TNR: variants seen among roughly 807,000 people sequenced by gnomAD.
TNR encodes the protein tenascin R, also known as tenascin-R.
A neutral mutation model predicts 150.4 loss-of-function variants in TNR; 45 were observed. The ratio of observed to expected loss-of-function variants is 0.30; its 90% CI spans 0.24 to 0.38. TNR has a LOEUF of 0.38. TNR is among the 10% of genes least tolerant of loss of function. The pLI is 1.00. For missense variants in TNR, 1,544 were observed against 1,759.1 expected (o/e 0.88, Z 2.19); for synonymous variants, 687 against 678.4 (o/e 1.01, Z -0.20).
chr1:175,383,701 A>C (rs1652790885), intron 8 of TNR, among the ~76,000 whole-genome samples: 1 of 152,182 alleles, frequency 6.6e-6, no homozygotes, highest in Non-Finnish European at 1.5e-5. Context: ...CACTTTGGTT[A>C]ATTTGAATTT....
intron 2 of TNR, among the ~76,000 whole-genome samples, chr1:175,521,883 T>C (rs777373942): frequency 6.6e-6 from 1 of 152,228 alleles, no homozygotes; most frequent in Admixed American, 6.5e-5. Context: ...GATTATATTG[T>C]CATGCACTGC....
chr1:175,319,727 C>T lies in TNR; in HGVS notation c.*3630G>A, dbSNP rs1648945356. ...CATACAAATCAGCTGGCCGGTTTTCCTGAGTCCTGGTTTGGCTCTCCTGGA... is the reference window on the plus strand; with the variant it reads ...CATACAAATCAGCTGGCCGGTTTTCTTGAGTCCTGGTTTGGCTCTCCTGGA... On this transcript the variant is annotated 3_prime_UTR_variant, in exon 23 of 23. Transcript: ENST00000367674. 6.6e-6 allele frequency: 1 copy of T among 152,242 alleles called. No individual in the cohort carries two copies. The highest frequency in any genetic ancestry group is 2.4e-5 in the African/African-American group (1 of 41,450). 9.4% of individuals were successfully genotyped at this position (152,242 alleles called of 1,614,324 possible). A position where few individuals can be genotyped will look rare whatever the true frequency, so the allele number is the denominator to read the frequency against.
At chr1:175,328,325 G>A (rs1008518927) in intron 21 of TNR, among the ~76,000 whole-genome samples, 1 of 152,190 alleles carries the variant, frequency 6.6e-6, no homozygotes, top group African/African-American at 2.4e-5. Flanking sequence ...TCTGATCCAA[G>A]TAGCATCCTA....
rs917328672 is a variant in TNR, at chr1:175,315,936, G to A, written c.*7421C>T. On this transcript the variant is annotated 3_prime_UTR_variant, in exon 23 of 23. Coordinates refer to ENST00000367674, the MANE Select transcript of TNR (RefSeq NM_003285.3). ...TCTGTGGGACCATGGTGTGAGTCTGGGCCTCCGCAGTTGGTAAAGGAGCAC... is the reference window on the plus strand; with the variant it reads ...TCTGTGGGACCATGGTGTGAGTCTGAGCCTCCGCAGTTGGTAAAGGAGCAC... 1 of 151,972 alleles carries A rather than the reference G, an allele frequency of 6.6e-6. No homozygotes were observed. Among genetic ancestry groups the A allele is most frequent in the African/African-American group, 2.4e-5 (1 of 41,346 alleles). 9.4% of individuals were successfully genotyped at this position (151,972 alleles called of 1,614,324 possible).
intron 2 of TNR, among the ~76,000 whole-genome samples, chr1:175,494,642 T>A (rs1334519850): frequency 1.3e-5 from 2 of 152,198 alleles, no homozygotes; most frequent in Non-Finnish European, 2.9e-5. Context: ...TGTATTTATA[T>A]GTCTGGCTAT....
intron 1 of TNR, among the ~76,000 whole-genome samples, chr1:175,627,496 T>C (rs1160258059): frequency 6.6e-6 from 1 of 152,200 alleles, no homozygotes; most frequent in South Asian, 2.1e-4. Context: ...TCAAATTCTA[T>C]TATTATATCA....
At chr1:175,349,914 T>C (rs1390591250) in intron 18 of TNR, among the ~76,000 whole-genome samples, 1 of 152,206 alleles carries the variant, frequency 6.6e-6, no homozygotes, top group East Asian at 1.9e-4. Flanking sequence ...CTCAAGCTGT[T>C]TCTAAATAGT....
In TNR at chr1:175,391,411, C is replaced by T; in HGVS notation, c.1384G>A (p.Val462Ile). The change falls in exon 7 of 23, where the codon GTC becomes ATC. Residue 462 changes from valine (V) to isoleucine (I), a missense_variant. Coordinates refer to ENST00000367674, the MANE Select transcript of TNR (RefSeq NM_003285.3). ...KNNEGGVIAQ[V>I]PSDVTSFNQT... is the part of the protein sequence containing the mutation. ...TTAAAGGACGTAACATCGCTGGGGA[C>T]CTGAGCAATCACTCCCCCTTCATTG... 6.2e-7 allele frequency: 1 copy of T among 1,614,126 alleles called. No individual in the cohort carries two copies. Among genetic ancestry groups the T allele is most frequent in the Non-Finnish European group, 8.5e-7 (1 of 1,180,026 alleles).
At chr1:175,568,556 CT>C (rs1364628279) in intron 1 of TNR, among the ~76,000 whole-genome samples, 1 of 152,194 alleles carries the variant, frequency 6.6e-6, no homozygotes, top group Non-Finnish European at 1.5e-5. Flanking sequence ...ACTATGTGCT[CT>C]CCCTTTGCAT....
At chr1:175,486,475 A>G (rs913508350) in intron 2 of TNR, among the ~76,000 whole-genome samples, 1 of 152,134 alleles carries the variant, frequency 6.6e-6, no homozygotes, top group African/African-American at 2.4e-5. Context: ...TTATGGCTGC[A>G]TAGTATTCCA....
intron 2 of TNR, among the ~76,000 whole-genome samples, chr1:175,491,868 C>T (rs1225108572): frequency 9.2e-5 from 14 of 152,082 alleles, no homozygotes; most frequent in African/African-American, 3.4e-4. Context: ...CCAGGATGGT[C>T]TCGATCTCCT....
intron 18 of TNR, among the ~76,000 whole-genome samples, chr1:175,348,064 G>T (rs1650881911): frequency 1.3e-5 from 2 of 152,154 alleles, no homozygotes; most frequent in African/African-American, 4.8e-5. Context: ...AGGATTGCTA[G>T]ATACTGGATT....
intron 1 of TNR, among the ~76,000 whole-genome samples, chr1:175,617,155 G>A (rs966488136): frequency 6.6e-6 from 1 of 152,154 alleles, no homozygotes; most frequent in Non-Finnish European, 1.5e-5. Flanking sequence ...CATGGTTAGA[G>A]TCCCTGTCCA....
chr1:175,571,451 A>C (rs1048833400), intron 1 of TNR, among the ~76,000 whole-genome samples: 3 of 152,232 alleles, frequency 2.0e-5, no homozygotes, highest in Non-Finnish European at 4.4e-5. Flanking sequence ...AGGAAGCCTC[A>C]GCTTAGAGCA....
At chr1:175,454,177 T>C (rs866019983) in intron 2 of TNR, among the ~76,000 whole-genome samples, 1 of 152,324 alleles carries the variant, frequency 6.6e-6, no homozygotes, top group South Asian at 2.1e-4. Flanking sequence ...ATCCAAAACA[T>C]CTCCCATGCT....
At chr1:175,585,610 C>T (rs536861763) in intron 1 of TNR, among the ~76,000 whole-genome samples, 2 of 152,346 alleles carry the variant, frequency 1.3e-5, no homozygotes, top group South Asian at 4.1e-4. Context: ...CCAGATCACT[C>T]TGGCTCGAAA....
At chr1:175,504,944 G>A (rs1658891580) in intron 2 of TNR, among the ~76,000 whole-genome samples, 1 of 152,202 alleles carries the variant, frequency 6.6e-6, no homozygotes, top group Admixed American at 6.5e-5. Context: ...ACAGGGAGGA[G>A]GTGGCCATCT....
chr1:175,550,460 T>C (rs1193514547), intron 1 of TNR, among the ~76,000 whole-genome samples: 2 of 152,122 alleles, frequency 1.3e-5, no homozygotes, highest in Admixed American at 1.3e-4. Flanking sequence ...GAGTATTAAG[T>C]GAGGCCCCTA....
rs57439733 is a variant in TNR, at chr1:175,331,078, C to CTTTCTTTCCTTCT, written c.3632-844_3632-843insAGAAGGAAAGAAA. On this transcript the variant is annotated intron_variant, in intron 20 of 22. Coordinates refer to ENST00000367674, the MANE Select transcript of TNR (RefSeq NM_003285.3). Reference sequence around the variant, plus strand: ...CTTTCTTTCTTTCTTTCTTTCTTTCCTTCTTTCTTTCTTTCTTTCTTTCTC... The same window carrying CTTTCTTTCCTTCT: ...CTTTCTTTCTTTCTTTCTTTCTTTCCTTTCTTTCCTTCTTTCTTTCTTTCTTTCTTTCTTTCTC... Among the ~76,000 whole-genome samples, 14 of 59,914 alleles carry CTTTCTTTCCTTCT rather than the reference C, an allele frequency of 2.3e-4. 1 individual carries two copies. Among genetic ancestry groups the CTTTCTTTCCTTCT allele is most frequent in the Non-Finnish European group, 4.1e-4 (12 of 28,942 alleles). The allele number at this position is 59,914 out of a possible 152,430, so 39.3% of individuals were successfully genotyped here.
Sources: allele counts gnomAD v4.1 joint callset (sites outside exome capture counted in the v4.1 genomes callset), GRCh38; gene constraint gnomAD v4.1.1; transcripts MANE v1.5; gene names NCBI Gene and HGNC (gene_info 2026-07-23, HGNC 2026-07-21).